The following C10orf90 variants were observed in gnomAD, a reference collection of about 807,000 sequenced individuals.
The protein encoded by C10orf90 is (E2-independent) E3 ubiquitin-conjugating enzyme FATS.
C10orf90 carries 56 observed loss-of-function variants against 62.5 expected under a neutral mutation model. That is an observed-to-expected ratio of 0.90 (90% CI 0.72 to 1.12). The LOEUF (loss-of-function observed/expected upper bound fraction) is 1.12. Ranked by LOEUF, C10orf90 falls within the 50% of genes most tolerant of loss-of-function variation. The pLI, the probability that C10orf90 is intolerant of heterozygous loss-of-function variation, is 0.00. For synonymous variants in C10orf90, 386 were observed against 340.4 expected (o/e 1.13, Z -1.47); for missense variants, 970 against 880.4 (o/e 1.10, Z -1.29).
chr10:126,557,227 A>G (rs1391566645), intron 2 of C10orf90, among the ~76,000 whole-genome samples: 1 of 152,004 alleles, frequency 6.6e-6, no homozygotes, highest in African/African-American at 2.4e-5. Flanking sequence ...GACACCTGTA[A>G]GCCCAGCACT....
intron 7 of C10orf90, among the ~76,000 whole-genome samples, chr10:126,435,362 T>G (rs1287168083): frequency 6.6e-6 from 1 of 152,214 alleles, no homozygotes; most frequent in Admixed American, 6.5e-5. Flanking sequence ...GCTTCCTGGT[T>G]AAGGAAGGTA....
At chr10:126,644,153 T>C (rs1001147139) in intron 2 of C10orf90, among the ~76,000 whole-genome samples, 9 of 152,204 alleles carry the variant, frequency 5.9e-5, no homozygotes, top group Non-Finnish European at 1.3e-4. Context: ...TGGCTAATCA[T>C]GTTCACCTTC....
At chr10:126,565,741 A>G (rs1844371797) in intron 2 of C10orf90, among the ~76,000 whole-genome samples, 1 of 152,082 alleles carries the variant, frequency 6.6e-6, no homozygotes, top group South Asian at 2.1e-4. Flanking sequence ...AGGGGAGCAG[A>G]GTCTCATCAG....
At position 126,504,687 on chromosome 10, in the gene C10orf90, G is replaced by C; in HGVS notation, c.804C>G (p.Asp268Glu). 6.2e-7 allele frequency: 1 copy of C among 1,613,854 alleles called. No homozygotes were observed. Among genetic ancestry groups the C allele is most frequent in the Non-Finnish European group, 8.5e-7 (1 of 1,179,866 alleles). Residue 268 changes from aspartate to glutamate, a missense_variant, in exon 4 of 10, where the codon GAC becomes GAG. Asp to Glu is a conservative substitution (Grantham distance 45). Coordinates refer to ENST00000488181, the MANE Select transcript of C10orf90 (RefSeq NM_001350921.2). This position sits in a 1 kb window ranked among gnomAD's most constrained non-coding sequence, Gnocchi z 4.1. ...DSLCPKCRAE[D>E]TLFQAPPALA... ...GAGCCGGGGGCGCCTGGAACAGTGTGTCCTCAGCCCTGCACTTGGGGCACA... is the reference window on the plus strand; with the variant it reads ...GAGCCGGGGGCGCCTGGAACAGTGTCTCCTCAGCCCTGCACTTGGGGCACA...
At chr10:126,669,172 CT>C (rs1349750500) in intron 1 of C10orf90, among the ~76,000 whole-genome samples, 1 of 152,232 alleles carries the variant, frequency 6.6e-6, no homozygotes, top group East Asian at 1.9e-4. Flanking sequence ...ACACCTTTTG[CT>C]CCAGTTGATT....
At chr10:126,594,954 G>A (rs1845055878) in intron 2 of C10orf90, among the ~76,000 whole-genome samples, 2 of 152,158 alleles carry the variant, frequency 1.3e-5, no homozygotes, top group African/African-American at 4.8e-5. Context: ...GTCTTAAGGT[G>A]GAAGAGGAGA....
chr10:126,504,704 T>G lies in C10orf90; in HGVS notation c.787A>C (p.Lys263Gln). Residue 263 changes from lysine (K) to glutamine (Q), a missense_variant, in exon 4 of 10, where the codon AAG becomes CAG. Coordinates refer to ENST00000488181, the MANE Select transcript of C10orf90 (RefSeq NM_001350921.2). The surrounding 1 kb of genome is among the most constrained non-coding windows in gnomAD (Gnocchi z 4.1). ...WGTAGDSLCPKCRAEDTLFQA... is the reference protein window; with the variant it reads ...WGTAGDSLCPQCRAEDTLFQA... ...AACAGTGTGTCCTCAGCCCTGCACTTGGGGCACAGAGAGTCCCCAGCAGTC... is the reference window on the plus strand; with the variant it reads ...AACAGTGTGTCCTCAGCCCTGCACTGGGGGCACAGAGAGTCCCCAGCAGTC... 2 of 1,612,086 alleles carry G rather than the reference T, an allele frequency of 1.2e-6. No individual in the cohort carries two copies. Among genetic ancestry groups the G allele is most frequent in the Middle Eastern group, 3.3e-4 (2 of 6,056 alleles).
At chr10:126,534,363 G>A (rs77123360) in intron 2 of C10orf90, among the ~76,000 whole-genome samples, 1,686 of 152,258 alleles carry the variant, frequency 0.011, 40 homozygotes, top group African/African-American at 0.038. Flanking sequence ...TCTCTTCTCT[G>A]CCATTTCTGT....
chr10:126,461,343 TC>T, intron 6 of C10orf90, 57 bp downstream of exon 6: 1 of 1,583,844 alleles, frequency 6.3e-7, no homozygotes, highest in African/African-American at 1.4e-5. Flanking sequence ...GCTCACGGAC[TC>T]CCTAGGAAAT....
intron 2 of C10orf90, among the ~76,000 whole-genome samples, chr10:126,627,000 CTTTTT>C (rs61226052): frequency 1.7e-5 from 2 of 119,496 alleles, no homozygotes; most frequent in South Asian, 2.6e-4. Context: ...TTTTTCTTTT[CTTTTT>C]TTTTTTTTTT....
chr10:126,430,697 T>A lies in C10orf90; in HGVS notation c.2189-847A>T, dbSNP rs796459621. Among the ~76,000 whole-genome samples, 49 of 152,326 alleles carry A rather than the reference T, an allele frequency of 3.2e-4. 1 individual carries two copies. The highest frequency in any genetic ancestry group is 1.1e-3 in the African/African-American group (44 of 41,562). On this transcript the variant is annotated intron_variant, in intron 7 of 9. Transcript: ENST00000488181. ...TTCCTAAAACACCTGGGCAGTAACC[T>A]GCTCATTCAGCAGAAGCAGACAGGC...
chr10:126,503,909 T>C (rs1460773376), intron 4 of C10orf90, 48 bp downstream of exon 4: 5 of 1,553,524 alleles, frequency 3.2e-6, no homozygotes, highest in Non-Finnish European at 4.3e-6. Flanking sequence ...GTCACCTTGC[T>C]AGGACATTTA....
At chr10:126,601,336 A>T (rs372176075) in intron 2 of C10orf90, among the ~76,000 whole-genome samples, 7 of 152,200 alleles carry the variant, frequency 4.6e-5, no homozygotes, top group African/African-American at 1.4e-4. Context: ...GTAGATTGTA[A>T]CTGCTCTTGC....
At chr10:126,601,162 T>C (rs1845190945) in intron 2 of C10orf90, among the ~76,000 whole-genome samples, 1 of 152,046 alleles carries the variant, frequency 6.6e-6, no homozygotes, top group South Asian at 2.1e-4. Flanking sequence ...TGTACAGAGA[T>C]AGAACAGAAA....
chr10:126,485,737 G>A (rs1408004154), intron 4 of C10orf90, among the ~76,000 whole-genome samples: 1 of 151,602 alleles, frequency 6.6e-6, no homozygotes, highest in Non-Finnish European at 1.5e-5. Context: ...TCAGGAGATC[G>A]AGGCCATCCT....
chr10:126,632,580 G>A (rs1190004008), intron 2 of C10orf90, among the ~76,000 whole-genome samples: 2 of 151,970 alleles, frequency 1.3e-5, no homozygotes, highest in Non-Finnish European at 2.9e-5. Flanking sequence ...TGCTGGGTGT[G>A]GAGTTGGTCC....
At chr10:126,452,029 A>G (rs1451697468) in intron 7 of C10orf90, among the ~76,000 whole-genome samples, 2 of 152,176 alleles carry the variant, frequency 1.3e-5, no homozygotes, top group Non-Finnish European at 2.9e-5. Flanking sequence ...TATAGTTAAT[A>G]ATAAAGCTTT....
At chr10:126,576,515 T>C (rs967601177) in intron 2 of C10orf90, among the ~76,000 whole-genome samples, 1 of 151,616 alleles carries the variant, frequency 6.6e-6, no homozygotes, top group Non-Finnish European at 1.5e-5. Flanking sequence ...ATATGGAGGT[T>C]CCTCAGAAAA....
intron 2 of C10orf90, among the ~76,000 whole-genome samples, chr10:126,591,806 A>T (rs1479022489): frequency 6.6e-6 from 1 of 152,140 alleles, no homozygotes; most frequent in East Asian, 1.9e-4. Context: ...ATCCCATCAT[A>T]TCAGCCCAAA....
Sources: gnomAD v4.1 joint callset for allele counts (sites outside exome capture counted in the v4.1 genomes callset) on GRCh38, gnomAD v4.1.1 for gene constraint, Gnocchi (gnomAD v3.1) non-coding constraint, MANE v1.5 for transcripts, NCBI Gene and HGNC (gene_info 2026-07-23, HGNC 2026-07-21) for gene names.